Variants in ARHGAP26 observed in about 807,000 individuals in gnomAD.
ARHGAP26 encodes the protein rho GTPase-activating protein 26.
In ARHGAP26, 38 loss-of-function variants were observed where a neutral mutation model predicts 104.8. The ratio of observed to expected loss-of-function variants is 0.36; its 90% CI spans 0.28 to 0.48. The LOEUF (loss-of-function observed/expected upper bound fraction) is 0.48, where lower values mean the gene tolerates loss of function less well. Ranked by LOEUF, ARHGAP26 falls within the 20% of genes least tolerant of loss-of-function variation. The pLI, the probability that ARHGAP26 is intolerant of heterozygous loss-of-function variation, is 0.99. For synonymous variants in ARHGAP26, 341 were observed against 340.0 expected (o/e 1.00, Z -0.03); for missense variants, 704 against 947.9 (o/e 0.74, Z 3.38).
intron 3 of ARHGAP26, among the ~76,000 whole-genome samples, chr5:142,875,593 C>A (rs1447846244): frequency 6.6e-6 from 1 of 152,082 alleles, no homozygotes; most frequent in Non-Finnish European, 1.5e-5. Context: ...TTTAAGCACC[C>A]AACACAGTGC....
At chr5:142,968,928 T>C (rs1159005805) in intron 11 of ARHGAP26, among the ~76,000 whole-genome samples, 1 of 152,228 alleles carries the variant, frequency 6.6e-6, no homozygotes, top group South Asian at 2.1e-4. Context: ...TTTTTTATTT[T>C]ACTCATTTAT....
rs555627712 is a variant in ARHGAP26 at position 142,770,591 on chromosome 5, C to T, written c.-171C>T. ...ACCTCGGCCGGGTCCGAGCTCGGTT[C>T]GGGAGTCTTGCGCGCCGGCGGACAC... On this transcript the variant is annotated 5_prime_UTR_variant, in exon 1 of 23. Coordinates refer to ENST00000645722, the MANE Select transcript of ARHGAP26 (RefSeq NM_001135608.3). The T allele has an allele frequency of 4.5e-5, 14 of 311,648 alleles. No homozygotes were observed. The highest frequency in any genetic ancestry group is 2.9e-4 in the African/African-American group (13 of 44,884). 19.3% of individuals were successfully genotyped at this position (311,648 alleles called of 1,614,324 possible).
At chr5:143,080,338 A>AT (rs1470126519) in intron 17 of ARHGAP26, among the ~76,000 whole-genome samples, 1 of 152,142 alleles carries the variant, frequency 6.6e-6, no homozygotes, top group Non-Finnish European at 1.5e-5. Context: ...AAATTTTTTT[A>AT]AAAAATAGAA....
chr5:143,014,242 G>A (rs1779284836), intron 12 of ARHGAP26, 126 bp downstream of exon 12: 1 of 1,027,426 alleles, frequency 9.7e-7, no homozygotes, highest in Non-Finnish European at 1.5e-6. Flanking sequence ...GTTCCCGAGT[G>A]CAGTGGGACA....
rs986450522 is a variant in ARHGAP26 at position 143,184,448 on chromosome 5, G to A, written c.1989-22750G>A. Reference sequence around the variant, plus strand: ...CTCCAGCATCACAGCTGGAGGTGCCGTGGGTGGGGGTCTGTGTGCCTGTGT... The same window carrying A: ...CTCCAGCATCACAGCTGGAGGTGCCATGGGTGGGGGTCTGTGTGCCTGTGT... On this transcript the variant is annotated intron_variant, in intron 20 of 22. Coordinates refer to ENST00000645722, the MANE Select transcript of ARHGAP26 (RefSeq NM_001135608.3). 2.6e-5 allele frequency among the ~76,000 whole-genome samples: 4 copies of A among 152,162 alleles called. No individual in the cohort carries two copies. In the South Asian group the frequency reaches 6.2e-4, roughly 24 times the overall value.
At chr5:142,855,865 GTC>G (rs1198544220) in intron 1 of ARHGAP26, among the ~76,000 whole-genome samples, 1 of 148,122 alleles carries the variant, frequency 6.8e-6, no homozygotes, top group African/African-American at 2.6e-5. Context: ...ACTTACTGTT[GTC>G]TCTCCAGTGA....
At chr5:142,996,129 A>G (rs1471071197) in intron 11 of ARHGAP26, among the ~76,000 whole-genome samples, 1 of 152,186 alleles carries the variant, frequency 6.6e-6, no homozygotes, top group Non-Finnish European at 1.5e-5. Flanking sequence ...GACATGGCAC[A>G]TGTATACCTA....
chr5:142,977,811 C>T (rs1327876104), intron 11 of ARHGAP26, among the ~76,000 whole-genome samples: 2 of 152,184 alleles, frequency 1.3e-5, no homozygotes, highest in Non-Finnish European at 2.9e-5. Flanking sequence ...GTCAGAGATG[C>T]GCCAGGGTGT....
At position 143,041,853 on chromosome 5, in the gene ARHGAP26, C is replaced by A; in HGVS notation, c.1248C>A (p.Val416=). The part of the protein sequence containing the change: ...NEQGLYRIVG[V]NSRVQKLLSV... ...AAGGGCTGTATCGAATTGTGGGTGT[C>A]AACTCCAGAGTGCAGAAGTTGCTGA... is the stretch of plus-strand genomic sequence containing the variant. Residue 416 remains valine (V), a synonymous_variant, in exon 14 of 23, where the codon GTC becomes GTA. Coordinates refer to ENST00000645722, the MANE Select transcript of ARHGAP26 (RefSeq NM_001135608.3). The A allele has an allele frequency of 6.2e-7, 1 of 1,602,576 alleles. No homozygotes were observed. Among genetic ancestry groups the A allele is most frequent in the Non-Finnish European group, 8.5e-7 (1 of 1,174,212 alleles).
chr5:143,055,682 T>C (rs1460528447), intron 15 of ARHGAP26, among the ~76,000 whole-genome samples: 2 of 152,326 alleles, frequency 1.3e-5, no homozygotes, highest in East Asian at 3.9e-4. Context: ...CTTGCAAATA[T>C]GTAGTTAGTT....
intron 3 of ARHGAP26, among the ~76,000 whole-genome samples, chr5:142,877,765 A>G (rs1399535965): frequency 1.3e-5 from 2 of 152,204 alleles, no homozygotes; most frequent in African/African-American, 2.4e-5. Context: ...AAGTCCAGGG[A>G]TTCTGAGTTA....
chr5:142,985,484 C>G (rs1774563724), intron 11 of ARHGAP26, among the ~76,000 whole-genome samples: 1 of 152,034 alleles, frequency 6.6e-6, no homozygotes, highest in Admixed American at 6.6e-5. Flanking sequence ...TCATGGTAAG[C>G]ACTTTATACA....
chr5:143,079,064 T>C (rs1340096535), intron 17 of ARHGAP26, among the ~76,000 whole-genome samples: 3 of 152,274 alleles, frequency 2.0e-5, no homozygotes, highest in Non-Finnish European at 4.4e-5. Flanking sequence ...ATCATGTGTT[T>C]AACTTTTCCT....
intron 20 of ARHGAP26, among the ~76,000 whole-genome samples, chr5:143,193,482 C>T (rs935801986): frequency 2.0e-5 from 3 of 152,024 alleles, no homozygotes; most frequent in Non-Finnish European, 4.4e-5. Flanking sequence ...CTCCTGAGCT[C>T]GGGTGATCTA....
intron 11 of ARHGAP26, among the ~76,000 whole-genome samples, chr5:142,978,258 A>G (rs979187327): frequency 2.0e-5 from 3 of 152,184 alleles, no homozygotes; most frequent in African/African-American, 7.2e-5. Flanking sequence ...TCTTTCCTCA[A>G]TAGCAGTGTT....
chr5:143,162,981 G>A (rs1218247127), intron 20 of ARHGAP26, among the ~76,000 whole-genome samples: 15 of 152,188 alleles, frequency 9.9e-5, no homozygotes, highest in East Asian at 1.9e-4. Context: ...GCTGAGTGTG[G>A]TGGTATGCGC....
intron 1 of ARHGAP26, among the ~76,000 whole-genome samples, chr5:142,867,344 T>C (rs1475075029): frequency 6.8e-6 from 1 of 147,072 alleles, no homozygotes; most frequent in African/African-American, 2.6e-5. Context: ...TTGTTTTTGC[T>C]AGTACAATGC....
intron 17 of ARHGAP26, among the ~76,000 whole-genome samples, chr5:143,065,799 C>T (rs538486789): frequency 4.6e-5 from 7 of 152,138 alleles, no homozygotes; most frequent in Non-Finnish European, 8.8e-5. Context: ...CATTCACACA[C>T]GGATACGCTG....
intron 1 of ARHGAP26, among the ~76,000 whole-genome samples, chr5:142,848,509 C>T (rs1048123332): frequency 5.9e-5 from 9 of 152,084 alleles, no homozygotes; most frequent in African/African-American, 2.2e-4. Flanking sequence ...GGTGGTTCTC[C>T]AGCCTTGGCA....
Sources: allele counts gnomAD v4.1 joint callset (sites outside exome capture counted in the v4.1 genomes callset), GRCh38; gene constraint gnomAD v4.1.1; transcripts MANE v1.5; gene names NCBI Gene and HGNC (gene_info 2026-07-23, HGNC 2026-07-21).